TENM3: variants seen among roughly 807,000 people sequenced by gnomAD.
TENM3 encodes teneurin-3.
Under a neutral mutation model 255.1 loss-of-function variants are expected in TENM3, and 63 were observed. The ratio of observed to expected loss-of-function variants is 0.25; its 90% CI spans 0.20 to 0.30. The LOEUF (loss-of-function observed/expected upper bound fraction) is 0.30. Among genes scored for constraint, TENM3 ranks in the 10% least tolerant of loss-of-function variants. The pLI is 1.00. For synonymous variants in TENM3, 1,306 were observed against 1,322.3 expected (o/e 0.99, Z 0.27); for missense variants, 2,929 against 3,461.1 (o/e 0.85, Z 3.86).
At chr4:182,650,889 A>ATATATATATATAT (rs1554007797) in intron 5 of TENM3, among the ~76,000 whole-genome samples, 6 of 29,754 alleles carry the variant, frequency 2.0e-4, no homozygotes, top group East Asian at 1.6e-3. Context: ...AATAAAAAAA[A>ATATATATATATAT]ATATATATAT....
intron 3 of TENM3, among the ~76,000 whole-genome samples, chr4:182,395,919 C>T (rs1367847262): frequency 6.6e-6 from 1 of 152,120 alleles, no homozygotes; most frequent in Non-Finnish European, 1.5e-5. Context: ...ATTGTTTTGT[C>T]TTAGAACTAC....
intron 22 of TENM3, among the ~76,000 whole-genome samples, chr4:182,765,517 C>G (rs1763636617): frequency 6.6e-6 from 1 of 152,326 alleles, no homozygotes; most frequent in Non-Finnish European, 1.5e-5. Context: ...CCTCCCCTTA[C>G]TTCTTGCACT....
intron 1 of TENM3, among the ~76,000 whole-genome samples, chr4:182,147,102 C>T (rs1258381104): frequency 2.0e-5 from 3 of 152,072 alleles, no homozygotes; most frequent in African/African-American, 4.8e-5. Context: ...CAATAATGAT[C>T]CAGTTAGTAA....
At chr4:182,397,079 A>C (rs1768876665) in intron 3 of TENM3, among the ~76,000 whole-genome samples, 1 of 152,112 alleles carries the variant, frequency 6.6e-6, no homozygotes, top group African/African-American at 2.4e-5. Context: ...AATCAAATAC[A>C]ATTGCTTCCA....
chr4:181,550,265 T>C, the TENM3 span, among the ~76,000 whole-genome samples: 1 of 152,204 alleles, frequency 6.6e-6, no homozygotes, highest in Non-Finnish European at 1.5e-5. Context: ...TATTTTCTTT[T>C]CAGGAATCTA....
the TENM3 span, among the ~76,000 whole-genome samples, chr4:181,847,737 C>T: frequency 2.0e-5 from 3 of 151,672 alleles, no homozygotes; most frequent in African/African-American, 4.8e-5. Flanking sequence ...TATGTGTGTA[C>T]GTACACATAT....
At chr4:182,605,166 A>G (rs1329280927) in intron 4 of TENM3, among the ~76,000 whole-genome samples, 1 of 152,108 alleles carries the variant, frequency 6.6e-6, no homozygotes, top group Non-Finnish European at 1.5e-5. Flanking sequence ...ATTAACCTCC[A>G]CCCACTTACT....
chr4:182,455,460 C>G (rs1773787292), intron 3 of TENM3, among the ~76,000 whole-genome samples: 1 of 152,048 alleles, frequency 6.6e-6, no homozygotes, highest in Non-Finnish European at 1.5e-5. Flanking sequence ...TCCTCCACTC[C>G]CACCTTCGCA....
chr4:181,464,719 G>A, the TENM3 span, among the ~76,000 whole-genome samples: 1 of 152,114 alleles, frequency 6.6e-6, no homozygotes, highest in Non-Finnish European at 1.5e-5. Context: ...GGGAGGCCAA[G>A]GCTGTTGGAT....
the TENM3 span, among the ~76,000 whole-genome samples, chr4:181,795,672 T>G: frequency 6.6e-6 from 1 of 152,144 alleles, no homozygotes; most frequent in Non-Finnish European, 1.5e-5. Flanking sequence ...TTTTCCCAAC[T>G]GATAACTCAA....
intron 3 of TENM3, among the ~76,000 whole-genome samples, chr4:182,481,008 TTTTC>T (rs750761583): frequency 3.3e-5 from 5 of 152,064 alleles, no homozygotes; most frequent in East Asian, 1.9e-4. Context: ...AGTCGTTTTC[TTTTC>T]TTTCTTTCTT....
At chr4:181,909,211 G>C in the TENM3 span, among the ~76,000 whole-genome samples, 1 of 152,210 alleles carries the variant, frequency 6.6e-6, no homozygotes, top group African/African-American at 2.4e-5. Context: ...ACAATGGAGA[G>C]AGTCAGATAG....
the TENM3 span, among the ~76,000 whole-genome samples, chr4:181,605,570 G>A: frequency 7.7e-4 from 19 of 24,826 alleles, 1 homozygote; most frequent in South Asian, 2.0e-3. Context: ...AAGAAAGAAA[G>A]AGAGAGAAAG....
At chr4:181,453,666 G>A in the TENM3 span, among the ~76,000 whole-genome samples, 1 of 152,166 alleles carries the variant, frequency 6.6e-6, no homozygotes, top group Non-Finnish European at 1.5e-5. Flanking sequence ...ACCGAAGGTG[G>A]ACCAGCATGC....
rs532209872 is a variant in TENM3, at chr4:182,160,072, G to C, written c.-76+15318G>C. 2.5e-4 allele frequency among the ~76,000 whole-genome samples: 37 copies of C among 149,752 alleles called. 3 individuals are homozygous for C. The highest frequency in any genetic ancestry group is 3.4e-3 in the Middle Eastern group (1 of 290). ...GGCTGGAGTGCAGCGGTGCGATCTC[G>C]GCTCACTGCAAGCTCCGCTTCCCGG... On this transcript the variant is annotated intron_variant, in intron 1 of 2. Transcript: ENST00000512480.
chr4:182,172,324 T>C (rs1752162044), intron 1 of TENM3, among the ~76,000 whole-genome samples: 1 of 152,048 alleles, frequency 6.6e-6, no homozygotes, highest in Non-Finnish European at 1.5e-5. Context: ...GTCTTCAAAG[T>C]GAGATAAGAC....
the TENM3 span, among the ~76,000 whole-genome samples, chr4:181,960,076 AGT>A: frequency 6.6e-6 from 1 of 152,222 alleles, no homozygotes; most frequent in East Asian, 1.9e-4. Flanking sequence ...TTTGAAGCAA[AGT>A]GTATATTTAA....
At chr4:182,028,904 G>C in the TENM3 span, among the ~76,000 whole-genome samples, 1 of 152,108 alleles carries the variant, frequency 6.6e-6, no homozygotes, top group African/African-American at 2.4e-5. Context: ...CTGAGGATAA[G>C]AATGTGTATC....
the TENM3 span, among the ~76,000 whole-genome samples, chr4:181,857,921 G>C: frequency 6.6e-6 from 1 of 152,202 alleles, no homozygotes; most frequent in African/African-American, 2.4e-5. Context: ...ATGTGGAGCA[G>C]TGAGTCCTGC....
Sources: allele counts gnomAD v4.1 joint callset (sites outside exome capture counted in the v4.1 genomes callset), GRCh38; gene constraint gnomAD v4.1.1; transcripts MANE v1.5; gene names NCBI Gene and HGNC (gene_info 2026-07-23, HGNC 2026-07-21).